The following LRRC7 variants were observed in gnomAD, a reference collection of about 807,000 sequenced individuals.
LRRC7 encodes the protein leucine rich repeat containing 7.
Under a neutral mutation model 175.7 loss-of-function variants are expected in LRRC7, and 23 were observed. That is an observed-to-expected ratio of 0.13 (90% CI 0.09 to 0.19). The LOEUF (loss-of-function observed/expected upper bound fraction) is 0.19. Among genes scored for constraint, LRRC7 ranks in the 10% least tolerant of loss-of-function variants. The pLI is 1.00. For missense variants in LRRC7, 1,354 were observed against 1,904.7 expected (o/e 0.71, Z 5.38); for synonymous variants, 685 against 680.9 (o/e 1.01, Z -0.09).
intron 25 of LRRC7, among the ~76,000 whole-genome samples, chr1:70,096,442 G>A (rs1052237382): frequency 2.0e-5 from 3 of 152,052 alleles, no homozygotes; most frequent in African/African-American, 7.2e-5. Flanking sequence ...CATTAAAAGG[G>A]ACTATCATTT....
At chr1:69,955,836 T>C (rs1039731747) in intron 8 of LRRC7, among the ~76,000 whole-genome samples, 3 of 151,900 alleles carry the variant, frequency 2.0e-5, no homozygotes, top group Non-Finnish European at 4.4e-5. Context: ...TATTATAATT[T>C]TACTAAATTA....
chr1:70,083,695 A>G (rs1663391719), intron 24 of LRRC7, among the ~76,000 whole-genome samples: 1 of 152,178 alleles, frequency 6.6e-6, no homozygotes, highest in Non-Finnish European at 1.5e-5. Context: ...TTAGAAAACC[A>G]CTTCCTGCTG....
intron 7 of LRRC7, among the ~76,000 whole-genome samples, chr1:69,914,775 T>C (rs985669325): frequency 1.3e-5 from 2 of 152,132 alleles, no homozygotes; most frequent in African/African-American, 4.8e-5. Flanking sequence ...AAATAAAGAT[T>C]TGTTGCAACA....
intron 1 of LRRC7, among the ~76,000 whole-genome samples, chr1:69,606,078 A>G (rs1557472300): frequency 6.6e-6 from 1 of 152,144 alleles, no homozygotes; most frequent in Non-Finnish European, 1.5e-5. Context: ...ACATGTCTCA[A>G]ACTTTCTGGA....
chr1:69,571,675 G>C (rs972991230), intron 1 of LRRC7, among the ~76,000 whole-genome samples: 1 of 151,978 alleles, frequency 6.6e-6, no homozygotes, highest in Admixed American at 6.6e-5. Context: ...TTTAATTGAT[G>C]TATCAAAATT....
chr1:69,919,627 C>T, intron 7 of LRRC7: 1 of 851,540 alleles, frequency 1.2e-6, no homozygotes, highest in Non-Finnish European at 2.0e-6. Context: ...GCGGCTACAT[C>T]CAGAAGATCA....
At chr1:70,009,100 T>A (rs918489236) in intron 11 of LRRC7, among the ~76,000 whole-genome samples, 3 of 152,240 alleles carry the variant, frequency 2.0e-5, no homozygotes, top group Non-Finnish European at 2.9e-5. Flanking sequence ...TCAATACATG[T>A]TTTTATTATA....
At chr1:69,977,879 A>T (rs1248006976) in intron 8 of LRRC7, among the ~76,000 whole-genome samples, 2 of 152,242 alleles carry the variant, frequency 1.3e-5, no homozygotes, top group African/African-American at 4.8e-5. Flanking sequence ...TGTTAAAATA[A>T]CATAATCTAA....
At chr1:69,952,731 C>G (rs17131092) in intron 8 of LRRC7, among the ~76,000 whole-genome samples, 2,298 of 152,084 alleles carry the variant, frequency 0.015, 58 homozygotes, top group African/African-American at 0.051. Context: ...CCTCCAGTGT[C>G]TTCACAGCAT....
intron 1 of LRRC7, among the ~76,000 whole-genome samples, chr1:69,620,038 C>T (rs181816196): frequency 3.3e-5 from 5 of 152,168 alleles, no homozygotes; most frequent in Admixed American, 2.0e-4. Flanking sequence ...GAAGAATATC[C>T]AAAATATTCT....
At chr1:69,808,933 G>A (rs563134650) in intron 4 of LRRC7, among the ~76,000 whole-genome samples, 2 of 152,136 alleles carry the variant, frequency 1.3e-5, no homozygotes, top group South Asian at 4.1e-4. Flanking sequence ...GATAAGAGCA[G>A]AACTGAAGGA....
At chr1:69,981,043 G>A (rs1398912248) in intron 9 of LRRC7, among the ~76,000 whole-genome samples, 1 of 152,156 alleles carries the variant, frequency 6.6e-6, no homozygotes, top group Non-Finnish European at 1.5e-5. Context: ...AACTCATTGA[G>A]TGTGATTATT....
intron 1 of LRRC7, chr1:69,607,213 C>A (rs1647734316): frequency 6.6e-6 from 1 of 152,082 alleles, no homozygotes; most frequent in Non-Finnish European, 1.5e-5. Context: ...CTGTCTGATT[C>A]TTTGGCAAGA....
At chr1:69,637,097 T>C (rs1653495696) in intron 1 of LRRC7, among the ~76,000 whole-genome samples, 1 of 149,240 alleles carries the variant, frequency 6.7e-6, no homozygotes, top group African/African-American at 2.5e-5. Flanking sequence ...TCTCTCTCTC[T>C]TCCCCTCCCC....
chr1:69,790,982 C>T (rs1377887437), intron 3 of LRRC7, among the ~76,000 whole-genome samples: 1 of 151,958 alleles, frequency 6.6e-6, no homozygotes, highest in Non-Finnish European at 1.5e-5. Flanking sequence ...CCATGTGCTA[C>T]ATTGTTTTTG....
At chr1:70,109,395 A>G (rs1665370777) in intron 26 of LRRC7, among the ~76,000 whole-genome samples, 2 of 152,194 alleles carry the variant, frequency 1.3e-5, no homozygotes, top group South Asian at 4.1e-4. Context: ...TAGTTCTCTG[A>G]AAAGTGTTTA....
At chr1:69,765,489 C>G (rs1671524636) in intron 3 of LRRC7, among the ~76,000 whole-genome samples, 1 of 152,008 alleles carries the variant, frequency 6.6e-6, no homozygotes, top group Non-Finnish European at 1.5e-5. Context: ...AATGGTCACC[C>G]AAGCTCTTTG....
chr1:70,063,090 T>C (rs1166760471), intron 23 of LRRC7, among the ~76,000 whole-genome samples: 2 of 152,132 alleles, frequency 1.3e-5, no homozygotes, highest in African/African-American at 4.8e-5. Context: ...AGGACATCAC[T>C]GTCACAAAAT....
At chr1:70,029,331 T>A (rs192980374) in intron 18 of LRRC7, among the ~76,000 whole-genome samples, 8 of 152,182 alleles carry the variant, frequency 5.3e-5, no homozygotes, top group Admixed American at 5.2e-4. Context: ...CCAAGTTTAG[T>A]TTAGACTGTA....
Sources: allele counts gnomAD v4.1 joint callset (sites outside exome capture counted in the v4.1 genomes callset), GRCh38; gene constraint gnomAD v4.1.1; transcripts MANE v1.5; gene names NCBI Gene and HGNC (gene_info 2026-07-23, HGNC 2026-07-21).